TIPARP: variants seen among roughly 807,000 people sequenced by gnomAD.
TIPARP encodes TCDD inducible poly(ADP-ribose) polymerase.
A neutral mutation model predicts 56.5 loss-of-function variants in TIPARP; 12 were observed. That is an observed-to-expected ratio of 0.21 (90% CI 0.14 to 0.34). The LOEUF is 0.34. TIPARP is among the 10% of genes least tolerant of loss of function. The pLI is 1.00. For missense variants in TIPARP, 604 were observed against 781.6 expected, an observed-to-expected ratio of 0.77 and a Z score of 2.71; for synonymous variants, 296 against 265.7, an observed-to-expected ratio of 1.11 and a Z score of -1.11.
intron 2 of TIPARP, among the ~76,000 whole-genome samples, chr3:156,689,205 T>C (rs1205843043): frequency 1.3e-5 from 2 of 152,172 alleles, no homozygotes; most frequent in Non-Finnish European, 2.9e-5. Flanking sequence ...CTGCTGTACG[T>C]CTGGTAATTT....
chr3:156,674,843 G>A (rs143944783), intron 1 of TIPARP, 47 bp downstream of exon 1: 2,048 of 152,902 alleles, frequency 0.013, 24 homozygotes, highest in Non-Finnish European at 0.022. Context: ...ACCCTAGCGG[G>A]GAGTGCGAGC....
intron 4 of TIPARP, among the ~76,000 whole-genome samples, chr3:156,701,346 C>T (rs747555188): frequency 5.9e-5 from 9 of 152,156 alleles, no homozygotes; most frequent in African/African-American, 2.2e-4. Context: ...TCTGTTGTCA[C>T]GGCTAGGTTT....
At chr3:156,690,165 ATG>A (rs1722528909) in intron 2 of TIPARP, among the ~76,000 whole-genome samples, 2 of 152,278 alleles carry the variant, frequency 1.3e-5, no homozygotes, top group Non-Finnish European at 2.9e-5. Flanking sequence ...GAGCTCCCAA[ATG>A]TATAAACCCA....
chr3:156,701,037 A>G (rs1301921239), intron 4 of TIPARP, among the ~76,000 whole-genome samples: 2 of 152,210 alleles, frequency 1.3e-5, no homozygotes, highest in East Asian at 1.9e-4. Context: ...ACCCATGGCT[A>G]TTAGAGTGTT....
In TIPARP at chr3:156,705,177, A is replaced by T; in HGVS notation, c.*46A>T. 26 of 521,070 alleles carry T rather than the reference A, an allele frequency of 5.0e-5. No individual in the cohort carries two copies. The highest frequency in any genetic ancestry group is 1.0e-4 in the East Asian group (2 of 19,058). The allele number at this position is 521,070 out of a possible 1,614,324, so 32.3% of individuals were successfully genotyped here. A position where few individuals can be genotyped will look rare whatever the true frequency, so the allele number is the denominator to read the frequency against. ...TTATTTGATATGAACTCAATCCAGC[A>T]TTTGTAGCAGGTTTTGAATGGGTGG... On this transcript the variant is annotated 3_prime_UTR_variant, in exon 6 of 6. Coordinates refer to ENST00000295924, the MANE Select transcript of TIPARP (RefSeq NM_015508.5).
chr3:156,703,949 C>T (rs1722914577), intron 5 of TIPARP, among the ~76,000 whole-genome samples: 1 of 144,788 alleles, frequency 6.9e-6, no homozygotes, highest in Admixed American at 7.3e-5. Flanking sequence ...GGAGGCGGAG[C>T]TTGCAGTGAG....
At chr3:156,676,419 C>T (rs751699342) in intron 1 of TIPARP, among the ~76,000 whole-genome samples, 2 of 152,182 alleles carry the variant, frequency 1.3e-5, no homozygotes, top group African/African-American at 2.4e-5. Context: ...TTAATATTCA[C>T]TTTTGGGGAC....
At chr3:156,703,037 T>C (rs1452695272) in intron 4 of TIPARP, among the ~76,000 whole-genome samples, 1 of 152,228 alleles carries the variant, frequency 6.6e-6, no homozygotes, top group Non-Finnish European at 1.5e-5. Context: ...CCTTTAGTAA[T>C]GAAATCTTTT....
chr3:156,678,269 A>T lies in TIPARP; in HGVS notation c.572A>T (p.Glu191Val). The stretch of plus-strand genomic sequence containing the variant: ...GATTATGTTCCAGGCATTTTCCAAG[A>T]AAACAGTTTTACAATCCAATACATT... Reference protein sequence around the residue: ...VIDYVPGIFQENSFTIQYILD... With the variant: ...VIDYVPGIFQVNSFTIQYILD... The change falls in exon 2 of 6, where the codon GAA (glutamate) becomes GTA (valine). Residue 191 changes from glutamate to valine, a missense_variant. By Grantham distance (121) the Glu-to-Val change is moderately radical (BLOSUM62 -2). Coordinates refer to ENST00000295924, the MANE Select transcript of TIPARP (RefSeq NM_015508.5). 6.2e-7 allele frequency: 1 copy of T among 1,614,168 alleles called. No homozygotes were observed. Among genetic ancestry groups the T allele is most frequent in the Admixed American group, 1.7e-5 (1 of 60,026 alleles).
chr3:156,695,841 T>TTC (rs1553771451), intron 3 of TIPARP, 24 bp from the exon 4 acceptor site: 1 of 1,385,858 alleles, frequency 7.2e-7, no homozygotes, highest in Non-Finnish European at 9.4e-7. Context: ...TTTTTTTTTT[T>TTC]TTGTTCTGTT....
chr3:156,697,253 T>C (rs559942009), intron 4 of TIPARP, among the ~76,000 whole-genome samples: 5 of 152,234 alleles, frequency 3.3e-5, no homozygotes, highest in South Asian at 2.1e-4. Context: ...CCTGGTGAGA[T>C]AGTAGAACCC....
chr3:156,678,813 C>T lies in TIPARP; in HGVS notation c.917+199C>T, dbSNP rs150107544. Among the ~76,000 whole-genome samples the T allele has an allele frequency of 5.3e-5, 8 of 152,200 alleles. No individual in the cohort carries two copies. The East Asian group carries it at 1.5e-3, about 29-fold the overall frequency. On this transcript the variant is annotated intron_variant, in intron 2 of 5. Coordinates refer to ENST00000295924, the MANE Select transcript of TIPARP (RefSeq NM_015508.5). ...ACTCAACCGGACAATGAAAGTTTTA[C>T]GATTTGAACAATTCATATGTCAGTT...
chr3:156,700,807 G>A (rs938905090), intron 4 of TIPARP, among the ~76,000 whole-genome samples: 1 of 152,208 alleles, frequency 6.6e-6, no homozygotes, highest in African/African-American at 2.4e-5. Flanking sequence ...ATGGTAAGGG[G>A]AAGGAGGGAA....
intron 2 of TIPARP, 75 bp downstream of exon 2, chr3:156,678,689 G>C: frequency 7.3e-7 from 1 of 1,379,186 alleles, no homozygotes; most frequent in Non-Finnish European, 9.8e-7. Context: ...AGCTTAGTAG[G>C]GTGGTTTCTT....
At chr3:156,704,536 A>C in intron 5 of TIPARP, 148 bp from the exon 6 acceptor site, 1 of 732,922 alleles carries the variant, frequency 1.4e-6, no homozygotes. Context: ...TGGAAAGATA[A>C]GTTTCAACTT....
At chr3:156,690,383 G>A (rs757217228) in intron 2 of TIPARP, among the ~76,000 whole-genome samples, 4 of 152,054 alleles carry the variant, frequency 2.6e-5, no homozygotes, top group Non-Finnish European at 5.9e-5. Flanking sequence ...ACTTAATGTG[G>A]GTGTTGGTGC....
At chr3:156,702,017 T>C (rs961597025) in intron 4 of TIPARP, among the ~76,000 whole-genome samples, 4 of 105,872 alleles carry the variant, frequency 3.8e-5, no homozygotes, top group African/African-American at 1.6e-4. Flanking sequence ...TTGATGATAA[T>C]GCGGTGGTGG....
intron 2 of TIPARP, among the ~76,000 whole-genome samples, chr3:156,692,698 A>C (rs1490454955): frequency 6.6e-6 from 1 of 152,148 alleles, no homozygotes; most frequent in African/African-American, 2.4e-5. Context: ...AATTGTGAAC[A>C]TTGGGATAGA....
At chr3:156,690,586 A>C (rs1722547806) in intron 2 of TIPARP, among the ~76,000 whole-genome samples, 1 of 152,176 alleles carries the variant, frequency 6.6e-6, no homozygotes, top group South Asian at 2.1e-4. Context: ...GAAAAACAGA[A>C]TTGTTAATAT....
Sources: allele counts gnomAD v4.1 joint callset (sites outside exome capture counted in the v4.1 genomes callset), GRCh38; gene constraint gnomAD v4.1.1; transcripts MANE v1.5; gene names NCBI Gene and HGNC (gene_info 2026-07-23, HGNC 2026-07-21).